Variants in KIDINS220 observed in about 807,000 individuals in gnomAD.
KIDINS220 encodes the protein kinase D interacting substrate 220, also known as kinase D-interacting substrate of 220 kDa.
KIDINS220 carries 63 observed loss-of-function variants against 157.6 expected under a neutral mutation model. That is an observed-to-expected ratio of 0.40 (90% CI 0.33 to 0.49). KIDINS220 has a LOEUF of 0.49. Among genes scored for constraint, KIDINS220 ranks in the 20% least tolerant of loss-of-function variants. KIDINS220 has a pLI of 0.66. For missense variants in KIDINS220, 1,772 were observed against 2,171.2 expected, an observed-to-expected ratio of 0.82 and a Z score of 3.65; for synonymous variants, 732 against 783.6, an observed-to-expected ratio of 0.93 and a Z score of 1.10.
At chr2:8,739,130 G>A (rs1056231767) in intron 26 of KIDINS220, among the ~76,000 whole-genome samples, 9 of 152,092 alleles carry the variant, frequency 5.9e-5, no homozygotes, top group East Asian at 1.9e-4. Flanking sequence ...TAAAGACACC[G>A]CCCTTTTCCT....
At chr2:8,809,964 T>C (rs905108886) in intron 6 of KIDINS220, among the ~76,000 whole-genome samples, 2 of 152,110 alleles carry the variant, frequency 1.3e-5, no homozygotes, top group African/African-American at 2.4e-5. Flanking sequence ...TAGCTCCACC[T>C]GCAGCCCAGC....
chr2:8,721,946 T>C (rs1662981292), downstream of KIDINS220: 1 of 151,682 alleles, frequency 6.6e-6, no homozygotes, highest in South Asian at 2.1e-4. Context: ...AACAAATACA[T>C]ACAATACTTT....
intron 22 of KIDINS220, among the ~76,000 whole-genome samples, chr2:8,760,020 G>T (rs188862413): frequency 1.3e-5 from 2 of 152,316 alleles, no homozygotes; most frequent in African/African-American, 4.8e-5. Flanking sequence ...TTCAAAAGCT[G>T]CTGACTGCTC....
downstream of KIDINS220, among the ~76,000 whole-genome samples, chr2:8,728,433 T>C (rs1663564984): frequency 6.6e-6 from 1 of 152,184 alleles, no homozygotes; most frequent in African/African-American, 2.4e-5. Flanking sequence ...TTCTATCATT[T>C]TGCACCCAGT....
intron 2 of KIDINS220, among the ~76,000 whole-genome samples, chr2:8,822,454 T>C (rs1011715402): frequency 1.3e-5 from 2 of 152,032 alleles, no homozygotes; most frequent in African/African-American, 4.8e-5. Context: ...TGAAACTTCA[T>C]CTCTACAAAA....
chr2:8,789,782 T>A (rs1672934263), intron 14 of KIDINS220, 98 bp downstream of exon 14: 1 of 932,286 alleles, frequency 1.1e-6, no homozygotes, highest in East Asian at 2.8e-5. Context: ...GAAAATCACA[T>A]ACAGGTTTTA....
In KIDINS220 at chr2:8,786,378, A is replaced by G. The variant is rs200190447; in HGVS notation, c.1788-21T>C. 2.4e-5 allele frequency: 38 copies of G among 1,589,726 alleles called. No individual in the cohort carries two copies. In the African/African-American group the frequency reaches 4.7e-4, roughly 20 times the overall value. ...AAAACCTTGAAGAAAAGAACAAATC[A>G]AACATTACTTTATTATCTAAAGTAA... On this transcript the variant is annotated intron_variant, in intron 15 of 29. Transcript: ENST00000256707.
chr2:8,786,452 CTTTT>C, intron 15 of KIDINS220, 95 bp from the exon 16 acceptor site: 1 of 978,904 alleles, frequency 1.0e-6, no homozygotes, highest in East Asian at 2.5e-5. Flanking sequence ...CCTTTATTTT[CTTTT>C]TGTCTCTTTC....
intron 4 of KIDINS220, among the ~76,000 whole-genome samples, chr2:8,814,870 G>A (rs1036231652): frequency 6.6e-6 from 1 of 152,036 alleles, no homozygotes; most frequent in African/African-American, 2.4e-5. Context: ...TCGCCTCTGG[G>A]ACATCCTTCC....
chr2:8,784,952 CA>C (rs1375747608), intron 17 of KIDINS220, among the ~76,000 whole-genome samples: 1 of 152,158 alleles, frequency 6.6e-6, no homozygotes, highest in Non-Finnish European at 1.5e-5. Context: ...AGCCTGTCCA[CA>C]AAAGTTTATA....
chr2:8,781,679 A>G (rs550632158), intron 17 of KIDINS220, among the ~76,000 whole-genome samples: 11 of 152,368 alleles, frequency 7.2e-5, no homozygotes, highest in Middle Eastern at 3.4e-3. Flanking sequence ...TGGGTCAAAG[A>G]AAAAAGTCTC....
intron 7 of KIDINS220, among the ~76,000 whole-genome samples, chr2:8,803,836 C>A (rs1248975157): frequency 6.6e-6 from 1 of 152,154 alleles, no homozygotes; most frequent in African/African-American, 2.4e-5. Context: ...ATATGAGACT[C>A]TGTCTCTAAA....
At chr2:8,803,172 A>G in intron 7 of KIDINS220, 45 bp from the exon 8 acceptor site, 1 of 1,405,046 alleles carries the variant, frequency 7.1e-7, no homozygotes, top group Non-Finnish European at 9.7e-7. Context: ...CAAGCCCAAG[A>G]AATTAATGTA....
chr2:8,828,562 T>C (rs1300718441), intron 1 of KIDINS220, among the ~76,000 whole-genome samples: 1 of 152,230 alleles, frequency 6.6e-6, no homozygotes, highest in African/African-American at 2.4e-5. Flanking sequence ...ATACAGGTGC[T>C]AACTCAAAAT....
intron 11 of KIDINS220, among the ~76,000 whole-genome samples, chr2:8,795,196 C>A (rs1269273726): frequency 6.6e-6 from 1 of 152,208 alleles, no homozygotes; most frequent in East Asian, 1.9e-4. Flanking sequence ...GCCTTGATTT[C>A]TTGCCCAGAT....
intron 2 of KIDINS220, among the ~76,000 whole-genome samples, chr2:8,823,126 C>T (rs1252180845): frequency 6.6e-6 from 1 of 152,046 alleles, no homozygotes; most frequent in Non-Finnish European, 1.5e-5. Flanking sequence ...AAAGGTGCCA[C>T]ACCTGGCTAA....
At chr2:8,728,833 C>T, downstream of KIDINS220, 2 of 984,824 alleles carry the variant, frequency 2.0e-6, no homozygotes, top group Non-Finnish European at 2.4e-6. Flanking sequence ...AAGTCTTTAA[C>T]AAACTTCAGA....
At chr2:8,808,278 T>C (rs1197329391) in intron 6 of KIDINS220, among the ~76,000 whole-genome samples, 1 of 152,214 alleles carries the variant, frequency 6.6e-6, no homozygotes, top group Non-Finnish European at 1.5e-5. Flanking sequence ...AACTTTACAA[T>C]ATCAATATCT....
rs76210761 is a variant in KIDINS220 at position 8,736,372 on chromosome 2, C to A, written c.3717+496G>T. ...TATGCAAATGCATTAACCTTGCAAACCCAAACCTATGTGGTTTCATCAAAT... is the reference window on the plus strand; with the variant it reads ...TATGCAAATGCATTAACCTTGCAAAACCAAACCTATGTGGTTTCATCAAAT... On this transcript the variant is annotated intron_variant, in intron 27 of 29. Coordinates refer to ENST00000256707, the MANE Select transcript of KIDINS220 (RefSeq NM_020738.4). Among the ~76,000 whole-genome samples the A allele has an allele frequency of 3.7e-3, 556 of 152,300 alleles. 2 individuals are homozygous for A. The highest frequency in any genetic ancestry group is 0.017 in the Middle Eastern group (5 of 292).
Sources: allele counts gnomAD v4.1 joint callset (sites outside exome capture counted in the v4.1 genomes callset), GRCh38; gene constraint gnomAD v4.1.1; transcripts MANE v1.5; gene names NCBI Gene and HGNC (gene_info 2026-07-23, HGNC 2026-07-21).